The following PCDHB16 variants were observed in gnomAD, a reference collection of about 807,000 sequenced individuals.
PCDHB16 encodes protocadherin beta 16.
For synonymous variants in PCDHB16, 444 were observed against 436.5 expected, an observed-to-expected ratio of 1.02 and a Z score of -0.21; for missense variants, 1,026 against 989.9, an observed-to-expected ratio of 1.04 and a Z score of -0.49.
In PCDHB16 at chr5:141,184,863, G is replaced by A. The variant is rs558565378; in HGVS notation, c.2304G>A (p.Lys768=). 5.6e-6 allele frequency: 9 copies of A among 1,614,190 alleles called. No individual in the cohort carries two copies. Among genetic ancestry groups the A allele is most frequent in the African/African-American group, 2.7e-5 (2 of 75,040 alleles). ...AAACAAGTGAGTTCAAGTTCCTGAA[G>A]CCGATTATCCCCAACTTCTCTCCTT... is the stretch of plus-strand genomic sequence containing the variant. ...GSETSEFKFL[K]PIIPNFSP Residue 768 remains lysine (K), a synonymous_variant, in exon 1 of 1, where the codon AAG becomes AAA. Transcript: ENST00000609684.
chr5:141,183,394 T>C lies in PCDHB16; in HGVS notation c.835T>C (p.Tyr279His). ...CGGCGGAGCCAATGGAAAAATATCA[T>C]ACACACTCTTTCAGCCTTCGGAGGA... ...LDGGANGKIS[Y>H]TLFQPSEDIS... The change falls in exon 1 of 1, where the codon TAC becomes CAC. Residue 279 changes from tyrosine (Y) to histidine (H), a missense_variant. Coordinates refer to ENST00000609684, the MANE Select transcript of PCDHB16 (RefSeq NM_020957.4). The C allele has an allele frequency of 1.2e-6, 2 of 1,614,098 alleles. No individual in the cohort carries two copies. Among genetic ancestry groups the C allele is most frequent in the Non-Finnish European group, 1.7e-6 (2 of 1,180,004 alleles).
chr5:141,184,810 T>C lies in PCDHB16; in HGVS notation c.2251T>C (p.Tyr751His), dbSNP rs1753681686. The change falls in exon 1 of 1, where the codon TAC (tyrosine) becomes CAC (histidine). Residue 751 changes from tyrosine to histidine, a missense_variant. Transcript: ENST00000609684. ...CGGGACCCTGTCCCAGAGCTACCAATACGAGGTGTGTCTGACAGGAGGCTC... is the reference window on the plus strand; with the variant it reads ...CGGGACCCTGTCCCAGAGCTACCAACACGAGGTGTGTCTGACAGGAGGCTC... ...GTGTLSQSYQ[Y>H]EVCLTGGSET... 6.2e-7 allele frequency: 1 copy of C among 1,614,218 alleles called. No homozygotes were observed. The highest frequency in any genetic ancestry group is 8.5e-7 in the Non-Finnish European group (1 of 1,180,042).
At position 141,186,090 on chromosome 5, in the gene PCDHB16, A is replaced by G; in HGVS notation, c.*1200A>G. ...GTTTGGCTTTTATATTCATCATAGT[A>G]TACATTGGCGGTATCTAGCCCTTTC... On this transcript the variant is annotated 3_prime_UTR_variant, in exon 1 of 1. Coordinates refer to ENST00000609684, the MANE Select transcript of PCDHB16 (RefSeq NM_020957.4). 1 of 999,632 alleles carries G rather than the reference A, an allele frequency of 1.0e-6. No homozygotes were observed. The highest frequency in any genetic ancestry group is 1.2e-6 in the Non-Finnish European group (1 of 829,480). 61.9% of individuals were successfully genotyped at this position (999,632 alleles called of 1,614,324 possible).
rs149040191 is a variant in PCDHB16 at position 141,183,958 on chromosome 5, G to A, written c.1399G>A (p.Ala467Thr). The A allele has an allele frequency of 9.4e-5, 151 of 1,613,074 alleles. No homozygotes were observed. The highest frequency in any genetic ancestry group is 1.2e-4 in the Non-Finnish European group (144 of 1,179,878). ...GTTCGTCCGCGAGAACAACAGCCCCGCCCTGCACATCGGCAGCGTCAGCGC... is the reference window on the plus strand; with the variant it reads ...GTTCGTCCGCGAGAACAACAGCCCCACCCTGCACATCGGCAGCGTCAGCGC... ...TLFVRENNSP[A>T]LHIGSVSATD... is the part of the protein sequence containing the mutation. Residue 467 changes from alanine (A) to threonine (T), a missense_variant, in exon 1 of 1, where the codon GCC (alanine) becomes ACC (threonine). Transcript: ENST00000609684.
chr5:141,183,628 C>T lies in PCDHB16; in HGVS notation c.1069C>T (p.Pro357Ser), dbSNP rs17857089. Residue 357 changes from proline (P) to serine (S), a missense_variant, in exon 1 of 1, where the codon CCA (proline) becomes TCA (serine). Coordinates refer to ENST00000609684, the MANE Select transcript of PCDHB16 (RefSeq NM_020957.4). ...CATGTCTGCACTCACCAGCCCCATC[C>T]CAGAGAACTCGCCTGAGATAGTAGT... ...VTMSALTSPI[P>S]ENSPEIVVAV... is the part of the protein sequence containing the mutation. The T allele has an allele frequency of 1.7e-4, 268 of 1,614,136 alleles. 1 individual carries two copies. In the East Asian group the frequency reaches 4.9e-3, roughly 30 times the overall value.
chr5:141,184,202 G>C lies in PCDHB16; in HGVS notation c.1643G>C (p.Arg548Pro). 1 of 1,485,594 alleles carries C rather than the reference G, an allele frequency of 6.7e-7. No homozygotes were observed. Among genetic ancestry groups the C allele is most frequent in the Non-Finnish European group, 9.1e-7 (1 of 1,100,762 alleles). The allele number at this position is 1,485,594 out of a possible 1,614,324, so 92.0% of individuals were successfully genotyped here. Residue 548 changes from arginine (R) to proline (P), a missense_variant, in exon 1 of 1, where the codon CGC becomes CCC. Coordinates refer to ENST00000609684, the MANE Select transcript of PCDHB16 (RefSeq NM_020957.4). The part of the protein sequence containing the change: ...SPALSREALV[R>P]VLVLDANDNS... ...GCGCTGAGCAGAGAGGCGCTGGTGC[G>C]CGTGCTGGTGCTGGACGCCAACGAC... is the stretch of plus-strand genomic sequence containing the variant.
In PCDHB16 at chr5:141,185,740, G is replaced by T; in HGVS notation, c.*850G>T. ...ATTTATTTTTTTGAGATGGAGTCTC[G>T]TAAAGTTACCTTTAAAAAAAAAGTT... is the stretch of plus-strand genomic sequence containing the variant. On this transcript the variant is annotated 3_prime_UTR_variant, in exon 1 of 1. Coordinates refer to ENST00000609684, the MANE Select transcript of PCDHB16 (RefSeq NM_020957.4). The T allele has an allele frequency of 6.0e-6, 6 of 997,024 alleles. No homozygotes were observed. The highest frequency in any genetic ancestry group is 7.3e-6 in the Non-Finnish European group (6 of 827,316). 61.8% of individuals were successfully genotyped at this position (997,024 alleles called of 1,614,324 possible). A position where few individuals can be genotyped will look rare whatever the true frequency, so the allele number is the denominator to read the frequency against.
Position 141,183,765 on chromosome 5 carries a change from C to G in PCDHB16, c.1206C>G (p.Thr402=), listed in dbSNP as rs376322288. Reference sequence around the variant, plus strand: ...AACCTTCAGTCAAGAACTTTTACACCTTGGTAACGGAGAGAGCACTCGACA... The same window carrying G: ...AACCTTCAGTCAAGAACTTTTACACGTTGGTAACGGAGAGAGCACTCGACA... The part of the protein sequence containing the change: ...LLKPSVKNFY[T]LVTERALDRE... The change falls in exon 1 of 1, where the codon ACC becomes ACG. Residue 402 remains threonine (T), a synonymous_variant. Coordinates refer to ENST00000609684, the MANE Select transcript of PCDHB16 (RefSeq NM_020957.4). 26 of 1,614,184 alleles carry G rather than the reference C, an allele frequency of 1.6e-5. No homozygotes were observed. The Middle Eastern group carries it at 9.9e-4, about 61-fold the overall frequency.
At position 141,183,852 on chromosome 5, in the gene PCDHB16, G is replaced by A; in HGVS notation, c.1293G>A (p.Leu431=). ...LTVTDMGTPR[L]KTEHNITVQI... ...TCACAGATATGGGGACTCCAAGGCTGAAAACGGAGCACAACATAACAGTGC... is the reference window on the plus strand; with the variant it reads ...TCACAGATATGGGGACTCCAAGGCTAAAAACGGAGCACAACATAACAGTGC... Residue 431 remains leucine, a synonymous_variant, in exon 1 of 1, where the codon CTG becomes CTA. Transcript: ENST00000609684. The A allele has an allele frequency of 6.2e-7, 1 of 1,614,210 alleles. No individual in the cohort carries two copies. The highest frequency in any genetic ancestry group is 8.5e-7 in the Non-Finnish European group (1 of 1,180,046).
chr5:141,183,733 C>A lies in PCDHB16; in HGVS notation c.1174C>A (p.Leu392Ile). 6.2e-7 allele frequency: 1 copy of A among 1,614,150 alleles called. No homozygotes were observed. The highest frequency in any genetic ancestry group is 1.7e-5 in the Admixed American group (1 of 60,018). Residue 392 changes from leucine (L) to isoleucine (I), a missense_variant, in exon 1 of 1, where the codon CTT (leucine) becomes ATT (isoleucine). Leu to Ile is a conservative substitution (Grantham distance 5). Coordinates refer to ENST00000609684, the MANE Select transcript of PCDHB16 (RefSeq NM_020957.4). ...CTCCATCCAGGAAGACCTTCCCTTT[C>A]TTCTAAAACCTTCAGTCAAGAACTT... ...ISSIQEDLPF[L>I]LKPSVKNFYT...
In PCDHB16 at chr5:141,182,614, G is replaced by A. The variant is rs1291139302; in HGVS notation, c.55G>A (p.Val19Ile). The A allele has an allele frequency of 6.5e-7, 1 of 1,548,336 alleles. No homozygotes were observed. Among genetic ancestry groups the A allele is most frequent in the African/African-American group, 1.4e-5 (1 of 72,146 alleles). The change falls in exon 1 of 1, where the codon GTT becomes ATT. Residue 19 changes from valine to isoleucine, a missense_variant. Physicochemically the swap from Val to Ile is conservative, Grantham distance 29. Transcript: ENST00000609684. ...ACAAAGGCAAGTCCTTGTTTTCTTT[G>A]TTTTGCTGAGCTTGTCTGGGGCGGG... is the stretch of plus-strand genomic sequence containing the variant. ...RRQRQVLVFF[V>I]LLSLSGAGAE...
Position 141,184,639 on chromosome 5 carries a change from T to G in PCDHB16, c.2080T>G (p.Leu694Val). Residue 694 changes from leucine to valine, a missense_variant, in exon 1 of 1, where the codon TTG becomes GTG. By Grantham distance (32) the Leu-to-Val change is conservative. Transcript: ENST00000609684. Reference sequence around the variant, plus strand: ...GCTCACTGTCTACCTGGTGGTGGCGTTGGCCTCGGTGTCGTCGCTCTTCCT... The same window carrying G: ...GCTCACTGTCTACCTGGTGGTGGCGGTGGCCTCGGTGTCGTCGCTCTTCCT... ...NSLTVYLVVALASVSSLFLFS... is the reference protein window; with the variant it reads ...NSLTVYLVVAVASVSSLFLFS... The G allele has an allele frequency of 6.2e-7, 1 of 1,612,534 alleles. No individual in the cohort carries two copies. The highest frequency in any genetic ancestry group is 8.5e-7 in the Non-Finnish European group (1 of 1,179,814).
rs1205166748 is a variant in PCDHB16 at position 141,183,291 on chromosome 5, G to A, written c.732G>A (p.Gln244=). 2 of 1,614,032 alleles carry A rather than the reference G, an allele frequency of 1.2e-6. No homozygotes were observed. The highest frequency in any genetic ancestry group is 2.7e-5 in the African/African-American group (2 of 74,926). Residue 244 remains glutamine (Q), a synonymous_variant, in exon 1 of 1, where the codon CAG becomes CAA. Transcript: ENST00000609684. ...DINDNAPEFE[Q]PIYKVQIPEN... ...ATGATAACGCTCCTGAGTTTGAGCA[G>A]CCCATCTACAAAGTGCAGATTCCAG...
At position 141,182,827 on chromosome 5, in the gene PCDHB16, C is replaced by T; in HGVS notation, c.268C>T (p.Leu90=). ...TGGGGATTTGCTCATAAATGAGAAGCTAGATCGAGAGGAGCTATGCGGTCC... is the reference window on the plus strand; with the variant it reads ...TGGGGATTTGCTCATAAATGAGAAGTTAGATCGAGAGGAGCTATGCGGTCC... ...QTGDLLINEK[L]DREELCGPTE... is the part of the protein sequence containing the mutation. Residue 90 remains leucine (L), a synonymous_variant, in exon 1 of 1, where the codon CTA becomes TTA. Transcript: ENST00000609684. 6.2e-7 allele frequency: 1 copy of T among 1,614,106 alleles called. No homozygotes were observed. Among genetic ancestry groups the T allele is most frequent in the Non-Finnish European group, 8.5e-7 (1 of 1,180,020 alleles).
rs112390566 is a variant in PCDHB16, at chr5:141,182,622, G to A, written c.63G>A (p.Leu21=). Residue 21 remains leucine, a synonymous_variant, in exon 1 of 1, where the codon CTG becomes CTA. Transcript: ENST00000609684. The part of the protein sequence containing the change: ...QRQVLVFFVL[L]SLSGAGAELG... ...AAGTCCTTGTTTTCTTTGTTTTGCT[G>A]AGCTTGTCTGGGGCGGGCGCCGAGT... The A allele has an allele frequency of 5.8e-6, 9 of 1,559,922 alleles. No individual in the cohort carries two copies. The African/African-American group carries it at 6.9e-5, about 12-fold the overall frequency.
chr5:141,184,360 T>C lies in PCDHB16; in HGVS notation c.1801T>C (p.Trp601Arg), dbSNP rs1478396075. The change falls in exon 1 of 1, where the codon TGG becomes CGG. Residue 601 changes from tryptophan (W) to arginine (R), a missense_variant. By Grantham distance (101) the Trp-to-Arg change is moderately radical. Transcript: ENST00000609684. ...GGACGGCGACTCGGGCCAGAATGCC[T>C]GGCTGTCGTACCAGCTGCTCAAGGC... ...AVDGDSGQNAWLSYQLLKATE... is the reference protein window; with the variant it reads ...AVDGDSGQNARLSYQLLKATE... 1.2e-6 allele frequency: 2 copies of C among 1,601,956 alleles called. No individual in the cohort carries two copies. The highest frequency in any genetic ancestry group is 1.3e-5 in the African/African-American group (1 of 74,582).
rs1554282164 is a variant in PCDHB16, at chr5:141,183,523, A to G, written c.964A>G (p.Thr322Ala). 2 of 1,614,234 alleles carry G rather than the reference A, an allele frequency of 1.2e-6. No individual in the cohort carries two copies. Among genetic ancestry groups the G allele is most frequent in the Non-Finnish European group, 1.7e-6 (2 of 1,180,048 alleles). The stretch of plus-strand genomic sequence containing the variant: ...GTCTTATGAAGTGCGCATCAAAGCC[A>G]CAGATGGGGGAGGTCTTTCAGGAAA... ...VTSYEVRIKA[T>A]DGGGLSGKCT... is the part of the protein sequence containing the mutation. The change falls in exon 1 of 1, where the codon ACA becomes GCA. Residue 322 changes from threonine to alanine, a missense_variant. Thr to Ala is a moderately conservative substitution (Grantham distance 58). Coordinates refer to ENST00000609684, the MANE Select transcript of PCDHB16 (RefSeq NM_020957.4).
In PCDHB16 at chr5:141,183,652, G is replaced by C; in HGVS notation, c.1093G>C (p.Val365Leu). The C allele has an allele frequency of 6.2e-7, 1 of 1,614,168 alleles. No homozygotes were observed. The highest frequency in any genetic ancestry group is 8.5e-7 in the Non-Finnish European group (1 of 1,180,030). Residue 365 changes from valine (V) to leucine (L), a missense_variant, in exon 1 of 1, where the codon GTT becomes CTT. Transcript: ENST00000609684. ...PIPENSPEIVVAVFSVSDPDS... is the reference protein window; with the variant it reads ...PIPENSPEIVLAVFSVSDPDS... ...CCCAGAGAACTCGCCTGAGATAGTA[G>C]TTGCTGTTTTCAGCGTTTCAGATCC...
rs782771254 is a variant in PCDHB16, at chr5:141,182,654, C to T, written c.95C>T (p.Ser32Phe). The T allele has an allele frequency of 6.2e-6, 10 of 1,602,678 alleles. No homozygotes were observed. The highest frequency in any genetic ancestry group is 7.7e-6 in the Non-Finnish European group (9 of 1,174,644). ...SLSGAGAELG[S>F]YSVVEETERG... ...TCTGGGGCGGGCGCCGAGTTGGGGT[C>T]CTATTCCGTAGTGGAAGAAACGGAG... Residue 32 changes from serine to phenylalanine, a missense_variant, in exon 1 of 1, where the codon TCC becomes TTC. By Grantham distance (155) the Ser-to-Phe change is radical. Transcript: ENST00000609684.
Sources: gnomAD v4.1 joint callset for allele counts on GRCh38, gnomAD v4.1.1 for gene constraint, MANE v1.5 for transcripts, NCBI Gene and HGNC (gene_info 2026-07-23, HGNC 2026-07-21) for gene names.